TCF20: variants seen among roughly 807,000 people sequenced by gnomAD.
The protein encoded by TCF20 is SPRE-binding protein.
A neutral mutation model predicts 148.6 loss-of-function variants in TCF20; 3 were observed. The observed-to-expected ratio is 0.02, with a 90% CI of 0.01 to 0.05. The LOEUF is 0.05. Among genes scored for constraint, TCF20 ranks in the 10% least tolerant of loss-of-function variants. TCF20 has a pLI of 1.00. For missense variants in TCF20, 2,350 were observed against 2,429.3 expected, an observed-to-expected ratio of 0.97 and a Z score of 0.69; for synonymous variants, 1,049 against 909.5, an observed-to-expected ratio of 1.15 and a Z score of -2.76.
rs773882454 is a variant in TCF20, at chr22:42,168,657, C to G, written c.5879G>C (p.Gly1960Ala). 1 of 1,603,298 alleles carries G rather than the reference C, an allele frequency of 6.2e-7. No individual in the cohort carries two copies. Among genetic ancestry groups the G allele is most frequent in the South Asian group, 1.1e-5 (1 of 89,450 alleles). ...GSLSTEQSER[G>A] ...CCCACGAGCACACTGCCCCCCTCACCCCCGCTCCGACTGCTCTGTGCTGAG... is the reference window on the plus strand; with the variant it reads ...CCCACGAGCACACTGCCCCCCTCACGCCCGCTCCGACTGCTCTGTGCTGAG... Residue 1960 changes from glycine to alanine, a missense_variant, in exon 5 of 6, where the codon GGG (glycine) becomes GCG (alanine). Coordinates refer to ENST00000677622, the MANE Select transcript of TCF20 (RefSeq NM_001378418.1).
At chr22:42,162,917 G>T (rs1032223241) in intron 5 of TCF20, among the ~76,000 whole-genome samples, 1 of 152,164 alleles carries the variant, frequency 6.6e-6, no homozygotes. Flanking sequence ...ACACACAGAG[G>T]CCATGGCACA....
At position 42,210,607 on chromosome 22, in the gene TCF20, G is replaced by T. The variant is rs755403387; in HGVS notation, c.4699C>A (p.Pro1567Thr). Reference sequence around the variant, plus strand: ...GGCTCTCCATCTGCAGAACCTTCTGGTATCTGTGGGGGCTGAGGGGGTGGA... The same window carrying T: ...GGCTCTCCATCTGCAGAACCTTCTGTTATCTGTGGGGGCTGAGGGGGTGGA... ...PPPPPQPPQI[P>T]EGSADGEPKP... is the part of the protein sequence containing the mutation. The change falls in exon 2 of 6, where the codon CCA (proline) becomes ACA (threonine). Residue 1567 changes from proline (P) to threonine (T), a missense_variant. Coordinates refer to ENST00000677622, the MANE Select transcript of TCF20 (RefSeq NM_001378418.1). This position sits in a 1 kb window ranked among gnomAD's most constrained non-coding sequence, Gnocchi z 4.7. 2 of 1,614,136 alleles carry T rather than the reference G, an allele frequency of 1.2e-6. No homozygotes were observed. Among genetic ancestry groups the T allele is most frequent in the Non-Finnish European group, 1.7e-6 (2 of 1,180,028 alleles).
intron 1 of TCF20, among the ~76,000 whole-genome samples, chr22:42,223,035 G>C (rs1292154573): frequency 6.6e-6 from 1 of 152,148 alleles, no homozygotes; most frequent in East Asian, 1.9e-4. Flanking sequence ...TGTAGTCCCA[G>C]CCACTCCAGA....
intron 1 of TCF20, among the ~76,000 whole-genome samples, chr22:42,241,153 T>C (rs1360617343): frequency 6.6e-6 from 1 of 152,200 alleles, no homozygotes; most frequent in Non-Finnish European, 1.5e-5. Context: ...CCAGCGCGCC[T>C]GGGCTTCAAC....
intron 2 of TCF20, among the ~76,000 whole-genome samples, chr22:42,183,423 T>TC (rs1010478458): frequency 3.9e-5 from 6 of 151,940 alleles, no homozygotes; most frequent in African/African-American, 9.7e-5. Context: ...AGCAAACGAT[T>TC]CCCCCCCAGA....
intron 5 of TCF20, among the ~76,000 whole-genome samples, chr22:42,162,423 G>T (rs1935522620): frequency 6.6e-6 from 1 of 152,146 alleles, no homozygotes; most frequent in Non-Finnish European, 1.5e-5. Flanking sequence ...CCCATCCCCA[G>T]GCTGGAGGGC....
At chr22:42,192,627 G>A (rs1462214087) in intron 2 of TCF20, among the ~76,000 whole-genome samples, 1 of 152,088 alleles carries the variant, frequency 6.6e-6, no homozygotes, top group East Asian at 1.9e-4. Flanking sequence ...TGAAGCTAAT[G>A]CCAATGAAAC....
At chr22:42,217,126 G>T (rs894924940) in intron 1 of TCF20, among the ~76,000 whole-genome samples, 2 of 152,164 alleles carry the variant, frequency 1.3e-5, no homozygotes, top group African/African-American at 4.8e-5. Flanking sequence ...TCCAATCCCT[G>T]GAGTGGCTCC....
At chr22:42,281,581 G>A (rs1192606762) in intron 1 of TCF20, among the ~76,000 whole-genome samples, 2 of 152,136 alleles carry the variant, frequency 1.3e-5, no homozygotes, top group African/African-American at 2.4e-5. Flanking sequence ...GCCTTAGCAC[G>A]GCAAACTCCT....
At chr22:42,278,537 CGGCAGATCCAGACGCTCAGCTCCCA>C (rs1378260755) in intron 1 of TCF20, 1 of 152,260 alleles carries the variant, frequency 6.6e-6, no homozygotes, top group African/African-American at 2.4e-5. Flanking sequence ...TCCCCCTGCG[CGGCAGATCCAGACGCTCAGCTCCCA>C]GGCCTGGAGG....
chr22:42,251,893 G>T (rs1260760258), intron 1 of TCF20, among the ~76,000 whole-genome samples: 2 of 151,906 alleles, frequency 1.3e-5, no homozygotes, highest in South Asian at 2.1e-4. Context: ...CAGTATTTGG[G>T]ATTATGGCAT....
intron 1 of TCF20, among the ~76,000 whole-genome samples, chr22:42,313,789 A>G (rs1263937938): frequency 6.6e-6 from 1 of 152,036 alleles, no homozygotes; most frequent in Non-Finnish European, 1.5e-5. Flanking sequence ...TAGTAGAGAC[A>G]GGGTTTCGCC....
chr22:42,170,746 C>A (rs145451675), intron 3 of TCF20, among the ~76,000 whole-genome samples: 1 of 151,556 alleles, frequency 6.6e-6, no homozygotes, highest in African/African-American at 2.4e-5. Flanking sequence ...TATATTCCCA[C>A]GATATCACCA....
chr22:42,197,006 A>G lies in TCF20; in HGVS notation c.5655+12645T>C, dbSNP rs1298785890. Among the ~76,000 whole-genome samples, 3 of 152,328 alleles carry G rather than the reference A, an allele frequency of 2.0e-5. No individual in the cohort carries two copies. The South Asian group carries it at 6.2e-4, about 32-fold the overall frequency. On this transcript the variant is annotated intron_variant, in intron 2 of 5. Coordinates refer to ENST00000677622, the MANE Select transcript of TCF20 (RefSeq NM_001378418.1). The stretch of plus-strand genomic sequence containing the variant: ...ATCTTCAAATTAAGTGTCAGCTCTT[A>G]AGTGCATACAACCAAAATCACTCCA...
intron 2 of TCF20, among the ~76,000 whole-genome samples, chr22:42,197,401 C>T (rs544214547): frequency 1.4e-4 from 21 of 150,970 alleles, no homozygotes; most frequent in African/African-American, 5.1e-4. Flanking sequence ...CGGCTCACTG[C>T]AAGCTCCGCC....
At chr22:42,318,407 G>A (rs528834761) in intron 1 of TCF20, among the ~76,000 whole-genome samples, 5 of 152,116 alleles carry the variant, frequency 3.3e-5, no homozygotes, top group South Asian at 2.1e-4. Flanking sequence ...CACTTCCCTC[G>A]CGGCCTGTGA....
chr22:42,216,085 T>TTC (rs1241905160), intron 1 of TCF20, among the ~76,000 whole-genome samples: 1 of 113,344 alleles, frequency 8.8e-6, no homozygotes, highest in Non-Finnish European at 1.8e-5. Context: ...AATCCTTTTT[T>TTC]TTTTTTTTTT....
At chr22:42,169,111 C>T (rs183282465) in intron 4 of TCF20, among the ~76,000 whole-genome samples, 27 of 151,388 alleles carry the variant, frequency 1.8e-4, no homozygotes, top group African/African-American at 4.4e-4. Context: ...TTTAAGACTG[C>T]GAGTGACCAG....
At chr22:42,173,069 AC>A (rs754610649) in intron 3 of TCF20, among the ~76,000 whole-genome samples, 30 of 152,050 alleles carry the variant, frequency 2.0e-4, no homozygotes, top group Admixed American at 4.6e-4. Flanking sequence ...TTAAAATGCT[AC>A]TGCAACGAGA....
Sources: gnomAD v4.1 joint callset for allele counts (sites outside exome capture counted in the v4.1 genomes callset) on GRCh38, gnomAD v4.1.1 for gene constraint, Gnocchi (gnomAD v3.1) non-coding constraint, MANE v1.5 for transcripts, NCBI Gene and HGNC (gene_info 2026-07-23, HGNC 2026-07-21) for gene names.